The following ZNF398 variants were observed in gnomAD, a reference collection of about 807,000 sequenced individuals.
The protein encoded by ZNF398 is zinc finger DNA binding protein ZER6.
ZNF398 carries 18 observed loss-of-function variants against 41.9 expected under a neutral mutation model. The ratio of observed to expected loss-of-function variants is 0.43; its 90% confidence interval spans 0.30 to 0.64. The LOEUF (loss-of-function observed/expected upper bound fraction) is 0.64, where lower values mean the gene tolerates loss of function less well. ZNF398 is among the 30% of genes least tolerant of loss of function. The pLI is 0.14. For missense variants in ZNF398, 669 were observed against 822.8 expected, an observed-to-expected ratio of 0.81 and a Z score of 2.29; for synonymous variants, 260 against 308.8, an observed-to-expected ratio of 0.84 and a Z score of 1.66.
Position 149,147,549 on chromosome 7 carries a change from A to T in ZNF398, c.-194A>T. 1 of 457,990 alleles carries T rather than the reference A, an allele frequency of 2.2e-6. No individual in the cohort carries two copies. The highest frequency in any genetic ancestry group is 1.1e-4 in the South Asian group (1 of 9,016). The allele number at this position is 457,990 out of a possible 1,614,324, so 28.4% of individuals were successfully genotyped here. On this transcript the variant is annotated 5_prime_UTR_variant, in exon 1 of 6. Transcript: ENST00000475153. This position sits in a 1 kb window ranked among gnomAD's most constrained non-coding sequence, Gnocchi z 5.6. The stretch of plus-strand genomic sequence containing the variant: ...CCCAGCTTGATCCGCCGCCTGCTGC[A>T]CCGCGCCTCCGCCGCGTTCCTGCGC...
upstream of ZNF398, among the ~76,000 whole-genome samples, chr7:149,144,746 G>C (rs762320518): frequency 6.6e-6 from 1 of 151,640 alleles, no homozygotes; most frequent in African/African-American, 2.4e-5. Flanking sequence ...CCACGACCAC[G>C]CCCGGCTAGT....
intron 2 of ZNF398, among the ~76,000 whole-genome samples, chr7:149,134,704 G>A (rs1253205140): frequency 6.6e-6 from 1 of 152,150 alleles, no homozygotes; most frequent in African/African-American, 2.4e-5. Flanking sequence ...TCACTCTGTT[G>A]CCCAGGCTGT....
chr7:149,132,512 C>T (rs1826618710), intron 2 of ZNF398, among the ~76,000 whole-genome samples: 1 of 152,190 alleles, frequency 6.6e-6, no homozygotes, highest in Non-Finnish European at 1.5e-5. Flanking sequence ...AGCTTTCTCT[C>T]TTTCGAGAGA....
chr7:149,127,653 C>G (rs1170689921), intron 1 of ZNF398, among the ~76,000 whole-genome samples: 1 of 151,662 alleles, frequency 6.6e-6, no homozygotes, highest in Non-Finnish European at 1.5e-5. Flanking sequence ...GGAGGCGGAG[C>G]TTGCAGTGAG....
intron 2 of ZNF398, among the ~76,000 whole-genome samples, chr7:149,157,331 G>T (rs1030447155): frequency 7.9e-5 from 12 of 151,634 alleles, no homozygotes; most frequent in African/African-American, 2.9e-4. Context: ...TCAGGAGATC[G>T]CGACCATCCT....
At chr7:149,177,920 AGGT>A (rs1014710002) in intron 5 of ZNF398, among the ~76,000 whole-genome samples, 6 of 151,212 alleles carry the variant, frequency 4.0e-5, no homozygotes, top group African/African-American at 1.2e-4. Context: ...AGGCTGAGGC[AGGT>A]GGATTACTTG....
chr7:149,157,460 G>A (rs988769182), intron 2 of ZNF398, among the ~76,000 whole-genome samples: 19 of 151,476 alleles, frequency 1.3e-4, no homozygotes, highest in Admixed American at 5.3e-4. Context: ...GCATGAACCC[G>A]GGAGGCGGAG....
At chr7:149,170,847 A>G (rs549201822) in intron 4 of ZNF398, among the ~76,000 whole-genome samples, 1 of 152,088 alleles carries the variant, frequency 6.6e-6, no homozygotes, top group Admixed American at 6.6e-5. Flanking sequence ...GGCCTAGGAC[A>G]TTACTAGGCT....
intron 1 of ZNF398, among the ~76,000 whole-genome samples, chr7:149,149,694 A>T (rs200197846): frequency 6.3e-4 from 95 of 151,404 alleles, no homozygotes; most frequent in African/African-American, 1.6e-3. Context: ...TTTTTTTTTT[A>T]AATTAGCCAG....
exon 1 of ZNF398, chr7:149,126,617 C>A: frequency 3.7e-6 from 1 of 272,330 alleles, no homozygotes; most frequent in Non-Finnish European, 7.0e-6. Context: ...GACTGGGAGA[C>A]GCGCTCCACA....
intron 4 of ZNF398, among the ~76,000 whole-genome samples, chr7:149,175,096 C>T (rs760683166): frequency 3.9e-5 from 6 of 152,154 alleles, no homozygotes; most frequent in Non-Finnish European, 8.8e-5. Context: ...TCCCCATAAC[C>T]GATGGTCGTT....
chr7:149,148,396 G>C (rs1827016887), intron 1 of ZNF398: 3 of 983,934 alleles, frequency 3.0e-6, no homozygotes, highest in African/African-American at 3.5e-5. Context: ...CGAGGCGACC[G>C]GGCCGCGCCT....
At chr7:149,177,472 ATTTAGATAAGACCT>A (rs1176937643) in intron 5 of ZNF398, among the ~76,000 whole-genome samples, 1 of 152,176 alleles carries the variant, frequency 6.6e-6, no homozygotes, top group African/African-American at 2.4e-5. Flanking sequence ...TAGTTTAGGT[ATTTAGATAAGACCT>A]AAAGAAGGGC....
Position 149,179,707 on chromosome 7 carries a change from T to A in ZNF398, c.1835T>A (p.Ile612Lys), listed in dbSNP as rs780369561. Reference sequence around the variant, plus strand: ...CCACCCAACCCACCAGGTCCCCTCATAACTGGGCTTGAAACTTCTGGCCTG... The same window carrying A: ...CCACCCAACCCACCAGGTCCCCTCAAAACTGGGCTTGAAACTTCTGGCCTG... Reference protein sequence around the residue: ...GQPPNPPGPLITGLETSGLGV... With the variant: ...GQPPNPPGPLKTGLETSGLGV... The change falls in exon 6 of 6, where the codon ATA becomes AAA. Residue 612 changes from isoleucine to lysine, a missense_variant. Physicochemically the swap from Ile to Lys is moderately radical, Grantham distance 102. Transcript: ENST00000475153. This position sits in a 1 kb window ranked among gnomAD's most constrained non-coding sequence, Gnocchi z 6.1. 2.5e-6 allele frequency: 4 copies of A among 1,614,158 alleles called. No homozygotes were observed. The Admixed American group carries it at 6.7e-5, about 27-fold the overall frequency.
chr7:149,133,267 C>T (rs188912291), intron 2 of ZNF398, among the ~76,000 whole-genome samples: 10 of 152,004 alleles, frequency 6.6e-5, no homozygotes, highest in Non-Finnish European at 1.5e-4. Context: ...AGGCTTGCCA[C>T]CACACCCAGA....
At chr7:149,172,085 A>G (rs766062175) in intron 4 of ZNF398, among the ~76,000 whole-genome samples, 10 of 152,160 alleles carry the variant, frequency 6.6e-5, no homozygotes, top group South Asian at 4.1e-4. Flanking sequence ...CAAATGTTAC[A>G]TGGTACGTGA....
At chr7:149,167,120 A>T (rs180725203) in intron 4 of ZNF398, among the ~76,000 whole-genome samples, 190 bp downstream of exon 4, 2 of 152,342 alleles carry the variant, frequency 1.3e-5, no homozygotes, top group East Asian at 3.9e-4. Context: ...TTCACCTATC[A>T]GTACTACACA....
intron 1 of ZNF398, 135 bp from the exon 2 acceptor site, chr7:149,153,810 C>A: frequency 9.7e-7 from 1 of 1,035,852 alleles, no homozygotes; most frequent in Non-Finnish European, 1.4e-6. Context: ...AAAGATGAGG[C>A]ATACGCAGGC....
intron 3 of ZNF398, 36 bp from the exon 4 acceptor site, chr7:149,166,781 C>T: frequency 6.8e-7 from 1 of 1,477,996 alleles, no homozygotes. Flanking sequence ...TCATTTATCT[C>T]TTTGTAATAC....
Sources: gnomAD v4.1 joint callset for allele counts (sites outside exome capture counted in the v4.1 genomes callset) on GRCh38, gnomAD v4.1.1 for gene constraint, Gnocchi (gnomAD v3.1) non-coding constraint, MANE v1.5 for transcripts, NCBI Gene and HGNC (gene_info 2026-07-23, HGNC 2026-07-21) for gene names.